The following CIMIP5 variants were observed in gnomAD, a reference collection of about 807,000 sequenced individuals.
CIMIP5 encodes the protein ciliary microtubule inner protein 5, also known as uncharacterized protein C2orf50.
the CIMIP5 span, chr2:11,144,187 G>T: frequency 7.6e-7 from 1 of 1,312,198 alleles, no homozygotes; most frequent in Non-Finnish European, 1.0e-6. Context: ...AACAGCACCA[G>T]TCAGCTCCCC....
the CIMIP5 span, among the ~76,000 whole-genome samples, chr2:11,150,174 C>T: frequency 1.3e-5 from 2 of 151,788 alleles, no homozygotes; most frequent in Non-Finnish European, 2.9e-5. Context: ...TCTCGAACCT[C>T]GTGATCCACT....
At chr2:11,140,178 G>A in the CIMIP5 span, among the ~76,000 whole-genome samples, 1 of 150,998 alleles carries the variant, frequency 6.6e-6, no homozygotes, top group Admixed American at 6.6e-5. Flanking sequence ...ACAAGGTCAG[G>A]AGATCGAGAC....
the CIMIP5 span, among the ~76,000 whole-genome samples, chr2:11,136,856 G>A: frequency 1.3e-5 from 2 of 152,204 alleles, no homozygotes; most frequent in Admixed American, 6.5e-5. Flanking sequence ...CAGAAGAGGC[G>A]AGGATGCAGG....
At chr2:11,153,744 C>T in the CIMIP5 span, among the ~76,000 whole-genome samples, 49 of 152,008 alleles carry the variant, frequency 3.2e-4, 1 homozygote, top group Admixed American at 3.9e-4. Flanking sequence ...GTCAGGAGTT[C>T]GAAACCCCGT....
chr2:11,140,301 G>A, the CIMIP5 span, among the ~76,000 whole-genome samples: 13 of 151,404 alleles, frequency 8.6e-5, no homozygotes, highest in African/African-American at 2.9e-4. Context: ...CGTGAACCCG[G>A]GAGGCGGAGC....
chr2:11,150,311 A>G, the CIMIP5 span, among the ~76,000 whole-genome samples: 1 of 146,134 alleles, frequency 6.8e-6, no homozygotes, highest in Non-Finnish European at 1.5e-5. Flanking sequence ...AAGTGGCTTA[A>G]CGAAAAATTT....
At chr2:11,140,645 AC>A in the CIMIP5 span, 1 of 960,746 alleles carries the variant, frequency 1.0e-6, no homozygotes, top group Non-Finnish European at 1.6e-6. Context: ...TCTACTCTAC[AC>A]CAGATACTGG....
the CIMIP5 span, among the ~76,000 whole-genome samples, chr2:11,153,750 C>T: frequency 4.2e-4 from 64 of 152,132 alleles, no homozygotes; most frequent in African/African-American, 1.5e-3. Flanking sequence ...AGTTCGAAAC[C>T]CCGTCTGTAC....
the CIMIP5 span, among the ~76,000 whole-genome samples, chr2:11,149,698 C>T: frequency 6.7e-6 from 1 of 148,548 alleles, no homozygotes; most frequent in Admixed American, 6.8e-5. Context: ...CAGAATGAGA[C>T]CCTATCTCAA....
chr2:11,134,465 G>A, the CIMIP5 span, among the ~76,000 whole-genome samples: 13 of 152,252 alleles, frequency 8.5e-5, no homozygotes, highest in South Asian at 6.2e-4. Context: ...CTTCATACCC[G>A]TTGATTAGCA....
the CIMIP5 span, among the ~76,000 whole-genome samples, chr2:11,151,702 C>A: frequency 6.6e-6 from 1 of 152,266 alleles, no homozygotes; most frequent in Non-Finnish European, 1.5e-5. Context: ...GTGGCACGAT[C>A]TCGGCCCAGT....
the CIMIP5 span, chr2:11,140,434 G>A: frequency 1.2e-6 from 1 of 867,288 alleles, no homozygotes; most frequent in Admixed American, 2.2e-5. Flanking sequence ...TTGTTGCATT[G>A]ACTTGACACA....
the CIMIP5 span, among the ~76,000 whole-genome samples, chr2:11,153,807 C>A: frequency 1.3e-5 from 2 of 151,508 alleles, no homozygotes; most frequent in African/African-American, 2.4e-5. Flanking sequence ...GCCTGTAATT[C>A]CAGCTACTTG....
the CIMIP5 span, among the ~76,000 whole-genome samples, chr2:11,154,450 C>T: frequency 6.6e-6 from 1 of 152,200 alleles, no homozygotes; most frequent in South Asian, 2.1e-4. Flanking sequence ...TCCCGTCCCT[C>T]ACACTTCCCG....
chr2:11,147,894 C>A, the CIMIP5 span, among the ~76,000 whole-genome samples: 1 of 152,170 alleles, frequency 6.6e-6, no homozygotes, highest in African/African-American at 2.4e-5. Flanking sequence ...CCAAGGCCAG[C>A]CTTTCAGCTC....
chr2:11,140,374 T>TAAA, the CIMIP5 span: 33 of 280,372 alleles, frequency 1.2e-4, no homozygotes, highest in African/African-American at 2.7e-4. Flanking sequence ...GCCTCCGTCT[T>TAAA]AAAAAAAAAA....
chr2:11,144,396 G>A, the CIMIP5 span: 6 of 237,822 alleles, frequency 2.5e-5, no homozygotes, highest in East Asian at 4.8e-4. Context: ...GTGGTCAGGA[G>A]CACTGAATGC....
At chr2:11,144,179 C>A in the CIMIP5 span, 2 of 1,328,786 alleles carry the variant, frequency 1.5e-6, no homozygotes, top group Non-Finnish European at 1.0e-6. Context: ...CAGCCCACAA[C>A]AGCACCAGTC....
At chr2:11,141,967 C>G in the CIMIP5 span, among the ~76,000 whole-genome samples, 1 of 151,982 alleles carries the variant, frequency 6.6e-6, no homozygotes. Context: ...ATGGATCTCA[C>G]TACAAAAAGG....
Sources: gnomAD v4.1 joint callset for allele counts (sites outside exome capture counted in the v4.1 genomes callset) on GRCh38, gnomAD v4.1.1 for gene constraint, MANE v1.5 for transcripts, NCBI Gene and HGNC (gene_info 2026-07-23, HGNC 2026-07-21) for gene names.